The following SSC4D variants were observed in gnomAD, a reference collection of about 807,000 sequenced individuals.
The protein encoded by SSC4D is scavenger receptor cysteine-rich domain-containing group B protein.
A neutral mutation model predicts 63.4 loss-of-function variants in SSC4D; 57 were observed. The ratio of observed to expected loss-of-function variants is 0.90; its 90% confidence interval spans 0.73 to 1.12. The LOEUF (loss-of-function observed/expected upper bound fraction) is 1.12, where lower values mean the gene tolerates loss of function less well. Ranked by LOEUF, SSC4D falls within the 50% of genes most tolerant of loss-of-function variation. The pLI, the probability that SSC4D is intolerant of heterozygous loss-of-function variation, is 0.00. For missense variants in SSC4D, 791 were observed against 806.4 expected (o/e 0.98, Z 0.23); for synonymous variants, 352 against 345.4 (o/e 1.02, Z -0.21).
Position 76,390,052 on chromosome 7 carries a change from G to A in SSC4D, c.*7C>T. 1 of 1,614,196 alleles carries A rather than the reference G, an allele frequency of 6.2e-7. No homozygotes were observed. The highest frequency in any genetic ancestry group is 1.1e-5 in the South Asian group (1 of 91,090). On this transcript the variant is annotated 3_prime_UTR_variant, in exon 11 of 11. Coordinates refer to ENST00000275560, the MANE Select transcript of SSC4D (RefSeq NM_080744.2). ...AGAAGAAGAGGTGGTCTGCAGAGCG[G>A]GCTGGGTCATGAAGGCTGGCACAGG...
intron 1 of SSC4D, among the ~76,000 whole-genome samples, chr7:76,405,343 T>TTTCTTTC (rs1804985262): frequency 8.1e-5 from 3 of 37,190 alleles, no homozygotes; most frequent in African/African-American, 1.6e-4. Flanking sequence ...TTCTTTCTTT[T>TTTCTTTC]TTTTTTTTTT....
intron 4 of SSC4D, among the ~76,000 whole-genome samples, chr7:76,399,038 GTCTTGC>G (rs1393030617): frequency 2.0e-5 from 3 of 152,120 alleles, no homozygotes; most frequent in African/African-American, 4.8e-5. Context: ...TTGAGATGGA[GTCTTGC>G]TCTGTCGCTC....
rs1227563803 is a variant in SSC4D, at chr7:76,390,383, G to T, written c.1412-8C>A. 2 of 1,569,062 alleles carry T rather than the reference G, an allele frequency of 1.3e-6. No homozygotes were observed. Among genetic ancestry groups the T allele is most frequent in the Admixed American group, 3.5e-5 (2 of 56,972 alleles). On this transcript the variant is annotated splice_polypyrimidine_tract_variant and splice_region_variant and intron_variant, in intron 10 of 10. Transcript: ENST00000275560. ...TGACCAGACGTAGATGCCCTGTGGGGGGACAGGGCTGGGTTGGAAGGGGCT... is the reference window on the plus strand; with the variant it reads ...TGACCAGACGTAGATGCCCTGTGGGTGGACAGGGCTGGGTTGGAAGGGGCT...
intron 9 of SSC4D, among the ~76,000 whole-genome samples, chr7:76,393,099 C>G (rs1444777234): frequency 6.6e-6 from 1 of 152,230 alleles, no homozygotes; most frequent in South Asian, 2.1e-4. Context: ...CCTTTACGGA[C>G]TTGATGCCTT....
At chr7:76,400,910 G>A in intron 3 of SSC4D, 98 bp downstream of exon 3, 1 of 1,481,070 alleles carries the variant, frequency 6.8e-7, no homozygotes, top group East Asian at 2.5e-5. Context: ...CTAGAGTCAA[G>A]GGGGGCTGGT....
intron 3 of SSC4D, 124 bp from the exon 4 acceptor site, chr7:76,400,715 C>G (rs1305371243): frequency 2.6e-6 from 3 of 1,167,144 alleles, no homozygotes; most frequent in Non-Finnish European, 3.5e-6. Flanking sequence ...ACTATGTTGC[C>G]AAGGCTGGTC....
intron 2 of SSC4D, among the ~76,000 whole-genome samples, chr7:76,402,112 G>A (rs909234074): frequency 6.6e-6 from 1 of 151,330 alleles, no homozygotes; most frequent in Non-Finnish European, 1.5e-5. Context: ...CTCCAATACC[G>A]GAGTTCAATC....
At chr7:76,398,309 A>AT (rs575917641) in intron 5 of SSC4D, among the ~76,000 whole-genome samples, 15,704 of 127,112 alleles carry the variant, frequency 0.12, 1,012 homozygotes, top group African/African-American at 0.14. Flanking sequence ...TTCATTTTCT[A>AT]TTTTTTTTTT....
In SSC4D at chr7:76,393,480, G is replaced by T; in HGVS notation, c.1258C>A (p.Leu420Met). Residue 420 changes from leucine (L) to methionine (M), a missense_variant, in exon 9 of 11, where the codon CTG (leucine) becomes ATG (methionine). Leu to Met is a conservative substitution (Grantham distance 15). Transcript: ENST00000275560. ...CAGCCCAGGTGGAAGCAGTCGCTCAGGCGAGCCTCGGTGCCGGCGCAGCCC... is the reference window on the plus strand; with the variant it reads ...CAGCCCAGGTGGAAGCAGTCGCTCATGCGAGCCTCGGTGCCGGCGCAGCCC... Reference protein sequence around the residue: ...NVGCAGTEARLSDCFHLGWGQ... With the variant: ...NVGCAGTEARMSDCFHLGWGQ... 6.6e-7 allele frequency: 1 copy of T among 1,525,234 alleles called. No homozygotes were observed. 94.5% of individuals were successfully genotyped at this position (1,525,234 alleles called of 1,614,324 possible). A position where few individuals can be genotyped will look rare whatever the true frequency, so the allele number is the denominator to read the frequency against.
chr7:76,404,769 C>T (rs1045927963), intron 1 of SSC4D, among the ~76,000 whole-genome samples: 7 of 150,238 alleles, frequency 4.7e-5, no homozygotes, highest in African/African-American at 1.7e-4. Context: ...CTGTCTGTTA[C>T]CAAAAAATGC....
intron 8 of SSC4D, 52 bp from the exon 9 acceptor site, chr7:76,393,768 T>C: frequency 7.5e-7 from 1 of 1,333,464 alleles, no homozygotes; most frequent in Non-Finnish European, 9.5e-7. Flanking sequence ...GGCTGCCGGC[T>C]CCCGGCAGAG....
rs1804471261 is a variant in SSC4D at position 76,390,414 on chromosome 7, A to T, written c.1412-39T>A. On this transcript the variant is annotated intron_variant, in intron 10 of 10. Transcript: ENST00000275560. ...GGGCTGGGTTGGAAGGGGCTGGTCCATGCCAGGCCACTCCCAAGCTAGGTC... is the reference window on the plus strand; with the variant it reads ...GGGCTGGGTTGGAAGGGGCTGGTCCTTGCCAGGCCACTCCCAAGCTAGGTC... The T allele has an allele frequency of 2.6e-6, 4 of 1,527,166 alleles. No homozygotes were observed. In the East Asian group the frequency reaches 9.1e-5, roughly 35 times the overall value. 94.6% of individuals were successfully genotyped at this position (1,527,166 alleles called of 1,614,324 possible). A position where few individuals can be genotyped will look rare whatever the true frequency, so the allele number is the denominator to read the frequency against.
intron 8 of SSC4D, 48 bp from the exon 9 acceptor site, chr7:76,393,764 C>T (rs775809310): frequency 3.0e-6 from 4 of 1,324,304 alleles, no homozygotes; most frequent in Middle Eastern, 4.2e-4. Context: ...CTGGGGCTGC[C>T]GGCTCCCGGC....
intron 1 of SSC4D, among the ~76,000 whole-genome samples, chr7:76,406,575 C>T (rs1004291878): frequency 1.3e-5 from 2 of 151,914 alleles, no homozygotes; most frequent in Non-Finnish European, 2.9e-5. Context: ...CCTCCCTATC[C>T]TGGGCTCAAA....
Position 76,398,771 on chromosome 7 carries a change from T to G in SSC4D, c.502A>C (p.Arg168=), listed in dbSNP as rs1488489426. ...DEFLPTQPPT[R]KMLTSRAPPT... The stretch of plus-strand genomic sequence containing the variant: ...GGTGCTCTACTGGTTAACATCTTCC[T>G]TGTTGGGGGCTGCGTTGGCAAGAAT... Residue 168 remains arginine, a synonymous_variant, in exon 5 of 11, where the codon AGG becomes CGG. Coordinates refer to ENST00000275560, the MANE Select transcript of SSC4D (RefSeq NM_080744.2). 6.2e-7 allele frequency: 1 copy of G among 1,613,134 alleles called. No homozygotes were observed. Among genetic ancestry groups the G allele is most frequent in the African/African-American group, 1.3e-5 (1 of 74,920 alleles).
chr7:76,397,797 G>A lies in SSC4D; in HGVS notation c.589C>T (p.Leu197=). 6.2e-7 allele frequency: 1 copy of A among 1,602,682 alleles called. No homozygotes were observed. The highest frequency in any genetic ancestry group is 1.1e-5 in the South Asian group (1 of 90,606). Residue 197 remains leucine, a synonymous_variant, in exon 6 of 11, where the codon CTG becomes TTG. Coordinates refer to ENST00000275560, the MANE Select transcript of SSC4D (RefSeq NM_080744.2). ...GSVRLVGGAN[L]CQGRVEILHS... is the part of the protein sequence containing the mutation. The stretch of plus-strand genomic sequence containing the variant: ...AGGATCTCCACTCGGCCCTGACACA[G>A]GTTCGCGCCCCCTACCAGGCGTACG...
chr7:76,395,191 C>A, intron 7 of SSC4D, 62 bp downstream of exon 7: 1 of 1,587,228 alleles, frequency 6.3e-7, no homozygotes, highest in Non-Finnish European at 8.6e-7. Flanking sequence ...AACATTCTTC[C>A]CAGTTCCCAG....
Position 76,397,739 on chromosome 7 carries a change from T to G in SSC4D, c.647A>C (p.Asp216Ala). Residue 216 changes from aspartate (D) to alanine (A), a missense_variant, in exon 6 of 11, where the codon GAC becomes GCC. By Grantham distance (126) the Asp-to-Ala change is moderately radical. Coordinates refer to ENST00000275560, the MANE Select transcript of SSC4D (RefSeq NM_080744.2). ...HSGLWGTVCD[D>A]DWGLPDAAVV... ...AGCGGCATCCGGCAGCCCCCAGTCG[T>G]CGTCACACACGGTGCCCCACAGGCC... 6.2e-7 allele frequency: 1 copy of G among 1,613,276 alleles called. No individual in the cohort carries two copies. Among genetic ancestry groups the G allele is most frequent in the Non-Finnish European group, 8.5e-7 (1 of 1,179,802 alleles).
intron 1 of SSC4D, among the ~76,000 whole-genome samples, chr7:76,406,460 AT>A (rs942398566): frequency 1.3e-5 from 2 of 151,624 alleles, no homozygotes; most frequent in Admixed American, 6.6e-5. Context: ...TAATTAATTA[AT>A]TTTTTTTACT....
Sources: allele counts gnomAD v4.1 joint callset (sites outside exome capture counted in the v4.1 genomes callset), GRCh38; gene constraint gnomAD v4.1.1; transcripts MANE v1.5; gene names NCBI Gene and HGNC (gene_info 2026-07-23, HGNC 2026-07-21).